Variants in ACACA observed in about 807,000 individuals in gnomAD.
The protein encoded by ACACA is acetyl-CoA carboxylase alpha.
In ACACA, 103 loss-of-function variants were observed where a neutral mutation model predicts 296.1. The observed-to-expected ratio is 0.35, with a 90% CI of 0.30 to 0.41. The LOEUF (loss-of-function observed/expected upper bound fraction) is 0.41, where lower values mean the gene tolerates loss of function less well. ACACA is among the 10% of genes least tolerant of loss of function. The probability of loss-of-function intolerance (pLI) is 1.00; values close to 1 mark genes in which losing one functional copy is unlikely to be tolerated. For missense variants in ACACA, 1,554 were observed against 2,989.7 expected (o/e 0.52, Z 11.20); for synonymous variants, 953 against 1,038.6 (o/e 0.92, Z 1.58).
chr17:37,246,763 T>C, intron 19 of ACACA, 63 bp downstream of exon 19: 2 of 1,596,758 alleles, frequency 1.3e-6, no homozygotes, highest in South Asian at 1.1e-5. Flanking sequence ...TCCTAGTCCA[T>C]CCCAGCCGAC....
chr17:37,390,077 A>C (rs1271295232), intron 1 of ACACA, among the ~76,000 whole-genome samples: 3 of 134,690 alleles, frequency 2.2e-5, no homozygotes, highest in African/African-American at 8.6e-5. Context: ...GACTTGCTAG[A>C]GTCCAGGAGT....
At chr17:37,217,134 G>A (rs1398810894) in intron 29 of ACACA, among the ~76,000 whole-genome samples, 2 of 151,682 alleles carry the variant, frequency 1.3e-5, no homozygotes, top group Admixed American at 6.6e-5. Flanking sequence ...GGTGGTGTAC[G>A]CCTGTAATCC....
At chr17:37,401,848 CCG>C in intron 1 of ACACA, among the ~76,000 whole-genome samples, 1 of 152,202 alleles carries the variant, frequency 6.6e-6, no homozygotes, top group East Asian at 1.9e-4. Context: ...GCATGAGCCA[CCG>C]CACCAGGCCA....
Position 37,243,602 on chromosome 17 carries a change from A to C in ACACA, c.2743-43T>G, listed in dbSNP as rs77260549. The C allele has an allele frequency of 7.4e-3, 11,739 of 1,582,046 alleles. 262 individuals are homozygous for C. The African/African-American group carries it at 0.075, about 10-fold the overall frequency. ...GTAAAATAGGACCCAAGTTAACACA[A>C]TCCCCCAAATAAAAAGATATATAGT... is the stretch of plus-strand genomic sequence containing the variant. On this transcript the variant is annotated intron_variant, in intron 21 of 55. Coordinates refer to ENST00000616317, the MANE Select transcript of ACACA (RefSeq NM_198834.3).
chr17:37,336,398 C>A lies in ACACA; in HGVS notation c.85+3406G>T, dbSNP rs79593726. Among the ~76,000 whole-genome samples the A allele has an allele frequency of 9.1e-4, 139 of 152,294 alleles. 1 individual carries two copies. The highest frequency in any genetic ancestry group is 3.3e-3 in the African/African-American group (137 of 41,564). On this transcript the variant is annotated intron_variant, in intron 2 of 55. Coordinates refer to ENST00000616317, the MANE Select transcript of ACACA (RefSeq NM_198834.3). ...TAGATTTCCTAGACCAACTAAGAAT[C>A]CCTAAGACTAGCTGGGAAGGTGACC...
chr17:37,281,345 C>T (rs1048297701), intron 5 of ACACA, among the ~76,000 whole-genome samples: 1 of 152,122 alleles, frequency 6.6e-6, no homozygotes, highest in Non-Finnish European at 1.5e-5. Flanking sequence ...AGGCATGAGC[C>T]ACCACACTCA....
At chr17:37,257,297 C>T (rs1244073850) in intron 14 of ACACA, among the ~76,000 whole-genome samples, 1 of 151,894 alleles carries the variant, frequency 6.6e-6, no homozygotes, top group Admixed American at 6.6e-5. Context: ...TTGAAAATTG[C>T]TAATAGATTT....
At chr17:37,394,167 G>T (rs2147822583) in intron 1 of ACACA, among the ~76,000 whole-genome samples, 1 of 152,000 alleles carries the variant, frequency 6.6e-6, no homozygotes, top group East Asian at 1.9e-4. Context: ...TGTTTCTGTG[G>T]AAGTGCCAAT....
At chr17:37,136,803 G>A (rs569853357) in intron 45 of ACACA, among the ~76,000 whole-genome samples, 5 of 152,186 alleles carry the variant, frequency 3.3e-5, no homozygotes, top group South Asian at 2.1e-4. Flanking sequence ...TAGCCGGGGC[G>A]TGGTGGCACA....
At chr17:37,105,484 A>G (rs541225211) in intron 52 of ACACA, among the ~76,000 whole-genome samples, 1 of 151,984 alleles carries the variant, frequency 6.6e-6, no homozygotes, top group East Asian at 1.9e-4. Context: ...CTCAAAAACA[A>G]AAACAAAACC....
intron 39 of ACACA, among the ~76,000 whole-genome samples, chr17:37,184,299 C>G (rs1434231691): frequency 6.6e-6 from 1 of 152,190 alleles, no homozygotes; most frequent in Admixed American, 6.5e-5. Flanking sequence ...CATCATTCCT[C>G]CCATTAATTC....
At chr17:37,185,402 C>CTTTTTTTTTTTTTT (rs67821579) in intron 39 of ACACA, among the ~76,000 whole-genome samples, 10 of 48,438 alleles carry the variant, frequency 2.1e-4, no homozygotes, top group African/African-American at 9.2e-4. Flanking sequence ...CTGGCTATTT[C>CTTTTTTTTTTTTTT]TTTTTTTTTT....
chr17:37,353,791 T>A (rs8065811), intron 1 of ACACA, among the ~76,000 whole-genome samples: 1 of 152,032 alleles, frequency 6.6e-6, no homozygotes, highest in African/African-American at 2.4e-5. Flanking sequence ...TCTGTTTTTT[T>A]AAACTTCATG....
chr17:37,200,894 CCATAAAA>C, intron 33 of ACACA, among the ~76,000 whole-genome samples: 1 of 152,204 alleles, frequency 6.6e-6, no homozygotes, highest in Non-Finnish European at 1.5e-5. Flanking sequence ...GAAGGACTTT[CCATAAAA>C]CATAAAACAC....
chr17:37,189,652 T>TA (rs914278280), intron 38 of ACACA, among the ~76,000 whole-genome samples: 40 of 150,966 alleles, frequency 2.6e-4, no homozygotes, highest in Non-Finnish European at 1.9e-4. Flanking sequence ...AAGCCAAATC[T>TA]AAAAAAAAAT....
chr17:37,217,649 C>T (rs2079071288), intron 29 of ACACA, among the ~76,000 whole-genome samples: 1 of 143,940 alleles, frequency 6.9e-6, no homozygotes. Flanking sequence ...GCAGGATAAT[C>T]GCTTGAACCC....
intron 8 of ACACA, among the ~76,000 whole-genome samples, chr17:37,275,044 G>A (rs1567924003): frequency 6.6e-6 from 1 of 152,130 alleles, no homozygotes; most frequent in South Asian, 2.1e-4. Context: ...CTGTTTAAGG[G>A]ATGTGTTGAG....
intron 29 of ACACA, among the ~76,000 whole-genome samples, chr17:37,219,566 C>T (rs1006599986): frequency 4.6e-5 from 7 of 151,468 alleles, no homozygotes; most frequent in African/African-American, 1.7e-4. Context: ...CTTCAGATGG[C>T]TAGTGTCAGA....
intron 23 of ACACA, among the ~76,000 whole-genome samples, chr17:37,240,789 G>T (rs2080355978): frequency 6.6e-6 from 1 of 152,074 alleles, no homozygotes; most frequent in African/African-American, 2.4e-5. Context: ...ATCCTGCATA[G>T]CCCCACCTAC....
Sources: allele counts gnomAD v4.1 joint callset (sites outside exome capture counted in the v4.1 genomes callset), GRCh38; gene constraint gnomAD v4.1.1; transcripts MANE v1.5; gene names NCBI Gene and HGNC (gene_info 2026-07-23, HGNC 2026-07-21).